Variants in SPOCK1 observed in about 807,000 individuals in gnomAD.
SPOCK1 encodes the protein testican-1.
A neutral mutation model predicts 55.3 loss-of-function variants in SPOCK1; 23 were observed. The ratio of observed to expected loss-of-function variants is 0.42; its 90% CI spans 0.30 to 0.59. The LOEUF is 0.59. Among genes scored for constraint, SPOCK1 ranks in the 20% least tolerant of loss-of-function variants. SPOCK1 has a pLI of 0.22. For missense variants in SPOCK1, 499 were observed against 552.5 expected, an observed-to-expected ratio of 0.90 and a Z score of 0.97; for synonymous variants, 226 against 221.0, an observed-to-expected ratio of 1.02 and a Z score of -0.20.
At chr5:137,426,878 T>G (rs143539669) in intron 2 of SPOCK1, among the ~76,000 whole-genome samples, 172 of 152,216 alleles carry the variant, frequency 1.1e-3, no homozygotes, top group African/African-American at 4.0e-3. Flanking sequence ...TTCCATAAGG[T>G]GCACCACAAT....
At chr5:137,131,682 A>G (rs1047973443) in intron 4 of SPOCK1, among the ~76,000 whole-genome samples, 1 of 147,370 alleles carries the variant, frequency 6.8e-6, no homozygotes, top group Non-Finnish European at 1.5e-5. Flanking sequence ...ATACTAAAAA[A>G]TATCTCCCCC....
At chr5:137,346,705 C>A (rs1289435755) in intron 2 of SPOCK1, among the ~76,000 whole-genome samples, 1 of 152,202 alleles carries the variant, frequency 6.6e-6, no homozygotes, top group Non-Finnish European at 1.5e-5. Context: ...CTTCTACCAA[C>A]GTTCTCCCAA....
intron 3 of SPOCK1, among the ~76,000 whole-genome samples, chr5:137,218,906 C>T (rs1003480164): frequency 3.3e-5 from 5 of 152,114 alleles, no homozygotes; most frequent in African/African-American, 9.7e-5. Context: ...AAATCATCAA[C>T]AAGGAAAAAA....
intron 3 of SPOCK1, among the ~76,000 whole-genome samples, chr5:137,249,108 G>A (rs1028752353): frequency 9.2e-5 from 14 of 152,194 alleles, no homozygotes; most frequent in African/African-American, 3.4e-4. Context: ...AAGGAGGCAG[G>A]AAGGAGTCAA....
chr5:137,441,814 T>C (rs1753020590), intron 2 of SPOCK1, among the ~76,000 whole-genome samples: 1 of 152,238 alleles, frequency 6.6e-6, no homozygotes, highest in Non-Finnish European at 1.5e-5. Context: ...TCTGTCTATG[T>C]AGTAAGACAT....
At chr5:137,159,938 T>C (rs1754492537) in intron 3 of SPOCK1, among the ~76,000 whole-genome samples, 1 of 152,166 alleles carries the variant, frequency 6.6e-6, no homozygotes, top group Non-Finnish European at 1.5e-5. Flanking sequence ...CATCTTTTCT[T>C]TACCTTGGTG....
In SPOCK1 at chr5:137,276,167, C is replaced by T. The variant is rs573352016; in HGVS notation, c.187-9112G>A. ...TGCAGTCACCTTATGGCCACACTAG[C>T]TTACATGGTCGAGCCACCAATGAAC... On this transcript the variant is annotated intron_variant, in intron 2 of 10. Coordinates refer to ENST00000394945, the MANE Select transcript of SPOCK1 (RefSeq NM_004598.4). Among the ~76,000 whole-genome samples, 3 of 152,362 alleles carry T rather than the reference C, an allele frequency of 2.0e-5. No homozygotes were observed. In the South Asian group the frequency reaches 6.2e-4, roughly 32 times the overall value.
intron 2 of SPOCK1, among the ~76,000 whole-genome samples, chr5:137,271,578 A>ACTACAGAACCTATGGTTC (rs36033515): frequency 0.86 from 130,125 of 152,000 alleles, 56,002 homozygotes; most frequent in African/African-American, 0.94. Flanking sequence ...ATCATAGCCA[A>ACTACAGAACCTATGGTTC]CAGCCCATTT....
rs1263791414 is a variant in SPOCK1, at chr5:137,227,016, T to C, written c.232+39994A>G. Among the ~76,000 whole-genome samples, 4 of 152,352 alleles carry C rather than the reference T, an allele frequency of 2.6e-5. No homozygotes were observed. In the East Asian group the frequency reaches 7.7e-4, roughly 29 times the overall value. ...CCTCTTTCAAAGCCTTCCTCTGTTATCCATCTGCAAAATGAGGAATTTTGA... is the reference window on the plus strand; with the variant it reads ...CCTCTTTCAAAGCCTTCCTCTGTTACCCATCTGCAAAATGAGGAATTTTGA... On this transcript the variant is annotated intron_variant, in intron 3 of 10. Transcript: ENST00000394945.
At chr5:136,992,845 T>A in intron 6 of SPOCK1, 3 of 386,692 alleles carry the variant, frequency 7.8e-6, no homozygotes, top group South Asian at 1.3e-4. Flanking sequence ...CTCTGTGCTG[T>A]GAAAGCAAGC....
intron 4 of SPOCK1, among the ~76,000 whole-genome samples, chr5:137,116,492 A>C (rs1455320055): frequency 6.6e-6 from 1 of 152,008 alleles, no homozygotes; most frequent in African/African-American, 2.4e-5. Context: ...TAAAAATACA[A>C]AAAATTAGCT....
chr5:137,098,822 C>T (rs895689344), intron 5 of SPOCK1, among the ~76,000 whole-genome samples: 8 of 152,314 alleles, frequency 5.3e-5, no homozygotes, highest in Middle Eastern at 3.4e-3. Flanking sequence ...CCCACCAAAG[C>T]AGATTTTCTC....
intron 2 of SPOCK1, among the ~76,000 whole-genome samples, chr5:137,418,938 G>T (rs151182682): frequency 6.6e-6 from 1 of 151,972 alleles, no homozygotes; most frequent in Admixed American, 6.6e-5. Flanking sequence ...TTTTAGGTCT[G>T]ACATTTAAGT....
At chr5:137,354,545 G>A (rs1750750014) in intron 2 of SPOCK1, among the ~76,000 whole-genome samples, 1 of 152,134 alleles carries the variant, frequency 6.6e-6, no homozygotes, top group African/African-American at 2.4e-5. Context: ...AGGACTGAGG[G>A]TATCTGCCTC....
At chr5:137,104,218 C>T (rs1753322207) in intron 5 of SPOCK1, among the ~76,000 whole-genome samples, 3 of 152,206 alleles carry the variant, frequency 2.0e-5, no homozygotes, top group Admixed American at 2.0e-4. Flanking sequence ...CTCAGGAGAT[C>T]TGTTTGTTCA....
chr5:137,498,623 A>G (rs924291606), intron 1 of SPOCK1, 65 bp from the exon 2 acceptor site: 1 of 1,225,064 alleles, frequency 8.2e-7, no homozygotes, highest in Non-Finnish European at 1.0e-6. Context: ...CCGGGCACCC[A>G]GGCGTCCCAG....
intron 3 of SPOCK1, among the ~76,000 whole-genome samples, chr5:137,217,071 A>T (rs893642478): frequency 6.6e-6 from 1 of 152,168 alleles, no homozygotes; most frequent in Admixed American, 6.5e-5. Flanking sequence ...GGGAACAGAG[A>T]ACAAGACAGG....
intron 4 of SPOCK1, among the ~76,000 whole-genome samples, chr5:137,126,163 T>C (rs1425672819): frequency 1.3e-5 from 2 of 152,196 alleles, no homozygotes; most frequent in East Asian, 3.9e-4. Context: ...GCTCTTTTCA[T>C]GTCCATGAGA....
At chr5:137,381,710 C>G (rs758143990) in intron 2 of SPOCK1, among the ~76,000 whole-genome samples, 5 of 152,240 alleles carry the variant, frequency 3.3e-5, no homozygotes, top group Non-Finnish European at 5.9e-5. Context: ...CTGCACAGAA[C>G]AGCTGGGCCC....
Sources: allele counts gnomAD v4.1 joint callset (sites outside exome capture counted in the v4.1 genomes callset), GRCh38; gene constraint gnomAD v4.1.1; transcripts MANE v1.5; gene names NCBI Gene and HGNC (gene_info 2026-07-23, HGNC 2026-07-21).